The following MMP24 variants were observed in gnomAD, a reference collection of about 807,000 sequenced individuals.
The protein encoded by MMP24 is matrix metallopeptidase 24.
In MMP24, 25 loss-of-function variants were observed where a neutral mutation model predicts 62.8. The observed-to-expected ratio is 0.40, with a 90% CI of 0.29 to 0.56. The LOEUF is 0.56. Among genes scored for constraint, MMP24 ranks in the 20% least tolerant of loss-of-function variants. The probability of loss-of-function intolerance (pLI) is 0.50; values close to 1 mark genes in which losing one functional copy is unlikely to be tolerated. For synonymous variants in MMP24, 319 were observed against 350.5 expected, an observed-to-expected ratio of 0.91 and a Z score of 1.00; for missense variants, 634 against 853.6, an observed-to-expected ratio of 0.74 and a Z score of 3.21.
intron 1 of MMP24, among the ~76,000 whole-genome samples, chr20:35,229,416 C>T (rs34613590): frequency 3.3e-5 from 5 of 152,046 alleles, no homozygotes; most frequent in Non-Finnish European, 7.4e-5. Flanking sequence ...CCATTTATAT[C>T]TATCTATTGT....
At chr20:35,244,055 C>T (rs2060501205) in intron 1 of MMP24, among the ~76,000 whole-genome samples, 1 of 152,206 alleles carries the variant, frequency 6.6e-6, no homozygotes, top group Non-Finnish European at 1.5e-5. Context: ...GTTATAGTCA[C>T]CTTTGGTGAA....
At chr20:35,249,007 G>A (rs557012451) in intron 2 of MMP24, among the ~76,000 whole-genome samples, 16 of 152,308 alleles carry the variant, frequency 1.1e-4, no homozygotes, top group Middle Eastern at 3.4e-3. Context: ...GGAATGATCC[G>A]AGGGAAAAGG....
intron 1 of MMP24, among the ~76,000 whole-genome samples, chr20:35,233,430 T>G (rs1307609251): frequency 6.6e-6 from 1 of 152,088 alleles, no homozygotes. Context: ...AATCAATCAG[T>G]CCACTCAGGA....
At position 35,274,157 on chromosome 20, in the gene MMP24, C is replaced by T. The variant is rs960558138; in HGVS notation, c.1601-115C>T. On this transcript the variant is annotated intron_variant, in intron 8 of 8. Coordinates refer to ENST00000246186, the MANE Select transcript of MMP24 (RefSeq NM_006690.4). This position sits in a 1 kb window ranked among gnomAD's most constrained non-coding sequence, Gnocchi z 5.1. The stretch of plus-strand genomic sequence containing the variant: ...AGCCAAGCACTGCACCCCAAACCTC[C>T]AGGTGTGCCCACCTTGCCTCCCTTG... 2.9e-6 allele frequency: 3 copies of T among 1,033,844 alleles called. No homozygotes were observed. The highest frequency in any genetic ancestry group is 1.5e-5 in the South Asian group (1 of 65,610). 64.0% of individuals were successfully genotyped at this position (1,033,844 alleles called of 1,614,324 possible). A position where few individuals can be genotyped will look rare whatever the true frequency, so the allele number is the denominator to read the frequency against.
chr20:35,246,987 G>A lies in MMP24; in HGVS notation c.394G>A (p.Glu132Lys). 1.9e-6 allele frequency: 3 copies of A among 1,614,002 alleles called. No individual in the cohort carries two copies. Among genetic ancestry groups the A allele is most frequent in the South Asian group, 1.1e-5 (1 of 91,072 alleles). The change falls in exon 2 of 9, where the codon GAG (glutamate) becomes AAG (lysine). Residue 132 changes from glutamate (E) to lysine (K), a missense_variant and splice_region_variant. Around this residue, in one of 3 missense-constraint regions of MMP24, gnomAD observed 212 missense variants for 259.6 expected, o/e 0.82. Coordinates refer to ENST00000246186, the MANE Select transcript of MMP24 (RefSeq NM_006690.4). ...CGGTGTGTTGGATCAGACAACGATC[G>A]AGTAAGATTTCCATAGGACATTGTG... ...VTGVLDQTTI[E>K]WMKKPRCGVP...
intron 1 of MMP24, 107 bp from the exon 2 acceptor site, chr20:35,246,733 G>A (rs2060516564): frequency 7.6e-7 from 1 of 1,313,898 alleles, no homozygotes; most frequent in African/African-American, 1.5e-5. Context: ...CATGAGTCCA[G>A]GAGTCACTGG....
At chr20:35,249,004 T>A (rs541509856) in intron 2 of MMP24, among the ~76,000 whole-genome samples, 1 of 152,250 alleles carries the variant, frequency 6.6e-6, no homozygotes, top group Admixed American at 6.5e-5. Flanking sequence ...GCGGGAATGA[T>A]CCGAGGGAAA....
intron 8 of MMP24, chr20:35,272,129 G>C (rs918450436): frequency 2.1e-6 from 1 of 468,332 alleles, no homozygotes; most frequent in Non-Finnish European, 3.7e-6. Flanking sequence ...CTCCAGGGAC[G>C]CCTTGAGTTA....
intron 1 of MMP24, among the ~76,000 whole-genome samples, chr20:35,236,564 G>A (rs1414290980): frequency 6.6e-6 from 1 of 152,202 alleles, no homozygotes; most frequent in Non-Finnish European, 1.5e-5. Flanking sequence ...GACAAGAAGT[G>A]GAGGGAACTG....
intron 8 of MMP24, among the ~76,000 whole-genome samples, chr20:35,273,556 C>T (rs184810578): frequency 8.1e-4 from 123 of 152,308 alleles, no homozygotes; most frequent in Non-Finnish European, 1.6e-3. Flanking sequence ...TGATGCTTTA[C>T]GCACAAGATC....
chr20:35,241,481 A>C (rs1356538309), intron 1 of MMP24, among the ~76,000 whole-genome samples: 1 of 152,124 alleles, frequency 6.6e-6, no homozygotes, highest in Non-Finnish European at 1.5e-5. Flanking sequence ...CCTAGAGAAT[A>C]TTAGAGAATA....
chr20:35,273,542 T>C (rs1480267805), intron 8 of MMP24, among the ~76,000 whole-genome samples: 2 of 152,230 alleles, frequency 1.3e-5, no homozygotes, highest in Non-Finnish European at 2.9e-5. Context: ...CTGTCTTGTA[T>C]ACCTGATGCT....
intron 1 of MMP24, chr20:35,235,984 T>TC (rs2060461005): frequency 6.6e-6 from 1 of 152,208 alleles, no homozygotes; most frequent in Admixed American, 6.6e-5. Context: ...ATGTGCCACC[T>TC]CCCCGGGTAT....
chr20:35,239,935 G>A (rs2060481390), intron 1 of MMP24, among the ~76,000 whole-genome samples: 1 of 152,314 alleles, frequency 6.6e-6, no homozygotes, highest in East Asian at 1.9e-4. Flanking sequence ...CCCTGACATA[G>A]CACAGGCATA....
chr20:35,247,681 G>A (rs1283131092), intron 2 of MMP24, among the ~76,000 whole-genome samples: 3 of 152,180 alleles, frequency 2.0e-5, no homozygotes, highest in Non-Finnish European at 2.9e-5. Context: ...GAAGCCTGAC[G>A]TGATGATGTG....
intron 5 of MMP24, among the ~76,000 whole-genome samples, chr20:35,266,307 A>G (rs1359086967): frequency 4.1e-5 from 6 of 145,776 alleles, no homozygotes; most frequent in Middle Eastern, 3.5e-3. Flanking sequence ...AGCTTAGATC[A>G]CGCCACTGCA....
chr20:35,234,857 T>C (rs1243508665), intron 1 of MMP24, among the ~76,000 whole-genome samples: 2 of 151,988 alleles, frequency 1.3e-5, no homozygotes, highest in Non-Finnish European at 2.9e-5. Flanking sequence ...TAGTGAGCTA[T>C]GATTGTGCCA....
chr20:35,244,526 C>T (rs781359929), intron 1 of MMP24, among the ~76,000 whole-genome samples: 11 of 152,088 alleles, frequency 7.2e-5, no homozygotes, highest in Non-Finnish European at 1.5e-4. Flanking sequence ...CTGCAACCTC[C>T]GCCTCCTGGG....
chr20:35,270,277 G>A (rs1389047037), intron 7 of MMP24, among the ~76,000 whole-genome samples: 1 of 152,224 alleles, frequency 6.6e-6, no homozygotes, highest in East Asian at 1.9e-4. Context: ...CACTGTGCTA[G>A]GTTGTTTCAT....
Sources: allele counts gnomAD v4.1 joint callset (sites outside exome capture counted in the v4.1 genomes callset), GRCh38; gene constraint gnomAD v4.1.1; regional missense constraint gnomAD v4.1.1; non-coding constraint Gnocchi (gnomAD v3.1); transcripts MANE v1.5; gene names NCBI Gene and HGNC (gene_info 2026-07-23, HGNC 2026-07-21).